Variants in MAPK14 observed in about 807,000 individuals in gnomAD.
The protein encoded by MAPK14 is CSAID-binding protein.
Under a neutral mutation model 49.6 loss-of-function variants are expected in MAPK14, and 16 were observed. The ratio of observed to expected loss-of-function variants is 0.32; its 90% confidence interval spans 0.22 to 0.49. The LOEUF is 0.49. Among genes scored for constraint, MAPK14 ranks in the 20% least tolerant of loss-of-function variants. The pLI is 0.99. For missense variants in MAPK14, 200 were observed against 441.2 expected (o/e 0.45, Z 4.90); for synonymous variants, 142 against 158.0 (o/e 0.90, Z 0.76).
intron 9 of MAPK14, 45 bp downstream of exon 9, chr6:36,096,111 C>A: frequency 7.4e-7 from 1 of 1,349,056 alleles, no homozygotes; most frequent in Non-Finnish European, 1.1e-6. Context: ...GGAGCCTCTG[C>A]CACTTGCCTT....
rs1051436112 is a variant in MAPK14 at position 36,075,972 on chromosome 6, G to A, written c.610+10G>A. On this transcript the variant is annotated intron_variant, in intron 7 of 11. Coordinates refer to ENST00000229794, the MANE Select transcript of MAPK14 (RefSeq NM_139012.3). ...CATTACAACCAGACAGGTATTACTC[G>A]CCTTGGTTATTTAGGGCCTTATTTA... The A allele has an allele frequency of 1.8e-5, 29 of 1,613,648 alleles. No homozygotes were observed. In the East Asian group the frequency reaches 4.0e-4, roughly 22 times the overall value.
chr6:36,054,449 G>A (rs1461580409), intron 2 of MAPK14, among the ~76,000 whole-genome samples: 1 of 152,072 alleles, frequency 6.6e-6, no homozygotes, highest in African/African-American at 2.4e-5. Context: ...AGAAAAATAG[G>A]ATTTTAATTT....
intron 1 of MAPK14, among the ~76,000 whole-genome samples, chr6:36,048,861 A>G (rs900092826): frequency 2.0e-5 from 3 of 152,244 alleles, no homozygotes; most frequent in African/African-American, 7.2e-5. Context: ...TTTTCAATAT[A>G]TAGATGGCAT....
At chr6:36,093,596 G>C (rs113634080) in intron 8 of MAPK14, among the ~76,000 whole-genome samples, 3,736 of 152,124 alleles carry the variant, frequency 0.025, 141 homozygotes, top group African/African-American at 0.079. Context: ...GCAGGCGCCT[G>C]TAGTCCCAGC....
chr6:36,078,612 C>G (rs1227859977), intron 8 of MAPK14, among the ~76,000 whole-genome samples: 3 of 152,134 alleles, frequency 2.0e-5, no homozygotes, highest in Non-Finnish European at 4.4e-5. Flanking sequence ...GATAAACAAC[C>G]TAGTGTTTAA....
chr6:36,093,944 G>A (rs1407515243), intron 8 of MAPK14, among the ~76,000 whole-genome samples: 1 of 152,136 alleles, frequency 6.6e-6, no homozygotes, highest in East Asian at 1.9e-4. Flanking sequence ...CCTGAAGAGT[G>A]TTAATGTGAG....
intron 3 of MAPK14, among the ~76,000 whole-genome samples, chr6:36,065,507 G>GTGTGTGTGTGTGT (rs1554181670): frequency 1.6e-5 from 2 of 122,454 alleles, no homozygotes; most frequent in Non-Finnish European, 3.5e-5. Context: ...GGGCAGAAAA[G>GTGTGTGTGTGTGT]GTGTGTGTGT....
In MAPK14 at chr6:36,027,850, C is replaced by T. The variant is rs1168612466; in HGVS notation, c.-308C>T. ...CGCAGCAGCTGGAACGGGAGTACTG[C>T]GACGCAGCCCGGAGTCGGCCTTGTA... On this transcript the variant is annotated 5_prime_UTR_variant, in exon 1 of 12. Transcript: ENST00000229794. 5.0e-6 allele frequency: 2 copies of T among 402,316 alleles called. No individual in the cohort carries two copies. The highest frequency in any genetic ancestry group is 4.4e-5 in the Admixed American group (1 of 22,732). The allele number at this position is 402,316 out of a possible 1,614,324, so 24.9% of individuals were successfully genotyped here.
chr6:36,058,924 C>T (rs1383623313), intron 2 of MAPK14, among the ~76,000 whole-genome samples: 1 of 149,768 alleles, frequency 6.7e-6, no homozygotes, highest in Non-Finnish European at 1.5e-5. Context: ...TCTGCACCTG[C>T]ACTCTCCCAG....
chr6:36,088,583 A>C (rs1025456093), intron 8 of MAPK14, among the ~76,000 whole-genome samples: 6 of 151,986 alleles, frequency 3.9e-5, no homozygotes, highest in African/African-American at 7.3e-5. Flanking sequence ...TTAGCCAGGC[A>C]TGGTGGTGTG....
chr6:36,047,181 A>G (rs1218642642), intron 1 of MAPK14, among the ~76,000 whole-genome samples: 1 of 152,162 alleles, frequency 6.6e-6, no homozygotes, highest in African/African-American at 2.4e-5. Flanking sequence ...TGAGATAAGG[A>G]AGGAGTCAGT....
intron 3 of MAPK14, among the ~76,000 whole-genome samples, chr6:36,065,507 G>GGTTGTGTGT (rs1554181671): frequency 5.7e-5 from 7 of 122,454 alleles, no homozygotes; most frequent in African/African-American, 1.9e-4. Context: ...GGGCAGAAAA[G>GGTTGTGTGT]GTGTGTGTGT....
chr6:36,089,920 C>T (rs965573195), intron 8 of MAPK14, among the ~76,000 whole-genome samples: 7 of 152,164 alleles, frequency 4.6e-5, no homozygotes, highest in Admixed American at 1.3e-4. Context: ...CATCAAATAC[C>T]GTTTTTCTAC....
At chr6:36,079,777 G>T (rs765755772) in intron 8 of MAPK14, among the ~76,000 whole-genome samples, 2 of 152,112 alleles carry the variant, frequency 1.3e-5, no homozygotes, top group African/African-American at 4.8e-5. Flanking sequence ...ATCCAATGTG[G>T]TGGTTATAGG....
intron 1 of MAPK14, among the ~76,000 whole-genome samples, chr6:36,044,837 A>G (rs765796097): frequency 1.4e-4 from 21 of 152,304 alleles, no homozygotes; most frequent in Middle Eastern, 3.4e-3. Context: ...TCTTGGATTA[A>G]GTCTGTCAGA....
At position 36,108,371 on chromosome 6, in the gene MAPK14, A is replaced by T. The variant is rs767907665; in HGVS notation, c.1016-9A>T. 1 of 1,611,942 alleles carries T rather than the reference A, an allele frequency of 6.2e-7. No individual in the cohort carries two copies. Among genetic ancestry groups the T allele is most frequent in the Non-Finnish European group, 8.5e-7 (1 of 1,178,070 alleles). On this transcript the variant is annotated splice_polypyrimidine_tract_variant and intron_variant, in intron 11 of 11. Transcript: ENST00000229794. ...CTCTCACATCTTACTTTTCCTTCCC[A>T]ATTTCTAGGCCTGACCTATGATGAA...
intron 10 of MAPK14, among the ~76,000 whole-genome samples, chr6:36,103,178 G>A (rs2815806): frequency 0.89 from 135,017 of 152,112 alleles, 60,072 homozygotes; most frequent in East Asian, 1. Flanking sequence ...AGGCATAACC[G>A]TCCTCTCCTG....
chr6:36,072,998 A>G lies in MAPK14; in HGVS notation c.417+14A>G. 6.7e-7 allele frequency: 1 copy of G among 1,489,388 alleles called. No homozygotes were observed. The highest frequency in any genetic ancestry group is 9.4e-7 in the Non-Finnish European group (1 of 1,067,628). 92.3% of individuals were successfully genotyped at this position (1,489,388 alleles called of 1,614,324 possible). ...CGAGGTCTAAAGGTACAGATAATAC[A>G]AGTAATAATTTTTTAAAATGAATTC... is the stretch of plus-strand genomic sequence containing the variant. On this transcript the variant is annotated intron_variant, in intron 4 of 11. Transcript: ENST00000229794.
rs73409860 is a variant in MAPK14 at position 36,090,056 on chromosome 6, G to A, written c.683-5931G>A. ...TCTTAAGACATAATGGGTTAATGGA[G>A]CTGAGTTAAAATCCACTTGCCATCA... On this transcript the variant is annotated intron_variant, in intron 8 of 11. Coordinates refer to ENST00000229794, the MANE Select transcript of MAPK14 (RefSeq NM_139012.3). Among the ~76,000 whole-genome samples, 556 of 152,306 alleles carry A rather than the reference G, an allele frequency of 3.7e-3. 4 individuals carry two copies. Among genetic ancestry groups the A allele is most frequent in the African/African-American group, 0.013 (521 of 41,562 alleles).
Sources: allele counts gnomAD v4.1 joint callset (sites outside exome capture counted in the v4.1 genomes callset), GRCh38; gene constraint gnomAD v4.1.1; transcripts MANE v1.5; gene names NCBI Gene and HGNC (gene_info 2026-07-23, HGNC 2026-07-21).